STAP1: variants seen among roughly 807,000 people sequenced by gnomAD.
The protein encoded by STAP1 is signal transducing adaptor family member 1, also known as signal-transducing adaptor protein 1.
A neutral mutation model predicts 37.8 loss-of-function variants in STAP1; 30 were observed. The ratio of observed to expected loss-of-function variants is 0.79; its 90% CI spans 0.59 to 1.08. The LOEUF (loss-of-function observed/expected upper bound fraction) is 1.08. Among genes scored for constraint, STAP1 ranks in the 50% least tolerant of loss-of-function variants. The pLI is 0.00. For missense variants in STAP1, 357 were observed against 349.4 expected, an observed-to-expected ratio of 1.02 and a Z score of -0.17; for synonymous variants, 130 against 116.0, an observed-to-expected ratio of 1.12 and a Z score of -0.78.
intron 8 of STAP1, among the ~76,000 whole-genome samples, chr4:67,596,532 T>A (rs1728226878): frequency 6.6e-6 from 1 of 152,094 alleles, no homozygotes; most frequent in Non-Finnish European, 1.5e-5. Flanking sequence ...GTGGGAAAGT[T>A]TGGAACTTTC....
At chr4:67,598,880 G>A (rs927383914) in intron 8 of STAP1, among the ~76,000 whole-genome samples, 2 of 152,160 alleles carry the variant, frequency 1.3e-5, no homozygotes, top group African/African-American at 4.8e-5. Flanking sequence ...TTTTCCCAAT[G>A]TTTTCTTGGA....
chr4:67,592,167 GC>G (rs1176138760), intron 7 of STAP1, among the ~76,000 whole-genome samples: 2 of 151,710 alleles, frequency 1.3e-5, no homozygotes, highest in African/African-American at 4.8e-5. Flanking sequence ...TGTTGCCCAG[GC>G]TTGAGCACAG....
chr4:67,582,111 T>G (rs1727874029), intron 5 of STAP1, among the ~76,000 whole-genome samples: 1 of 152,092 alleles, frequency 6.6e-6, no homozygotes. Flanking sequence ...TGTACTACAA[T>G]CACTGAAACC....
Position 67,571,104 on chromosome 4 carries a change from A to G in STAP1, c.141A>G (p.Thr47=). 1 of 1,611,698 alleles carries G rather than the reference A, an allele frequency of 6.2e-7. No individual in the cohort carries two copies. The highest frequency in any genetic ancestry group is 8.5e-7 in the Non-Finnish European group (1 of 1,177,932). ...SGYREYEHYW[T]ELRGTTLFFY... ...CACAGGAGTATGAGCATTACTGGAC[A>G]GAGTTGAGAGGAACTACTCTTTTCT... The change falls in exon 2 of 9, where the codon ACA becomes ACG. Residue 47 remains threonine, a synonymous_variant. Coordinates refer to ENST00000265404, the MANE Select transcript of STAP1 (RefSeq NM_012108.4).
At chr4:67,582,311 T>TTG (rs1553901659) in intron 5 of STAP1, among the ~76,000 whole-genome samples, 1 of 76,796 alleles carries the variant, frequency 1.3e-5, no homozygotes, top group South Asian at 5.9e-4. Context: ...GTTTTTTTTT[T>TTG]GTTTTTTTTG....
intron 6 of STAP1, 26 bp downstream of exon 6, chr4:67,583,728 G>A: frequency 6.2e-7 from 1 of 1,600,874 alleles, no homozygotes; most frequent in Non-Finnish European, 8.5e-7. Flanking sequence ...TTAAATGTAT[G>A]GAATTTTTAA....
At chr4:67,601,372 A>C (rs1728338337) in intron 8 of STAP1, among the ~76,000 whole-genome samples, 2 of 152,140 alleles carry the variant, frequency 1.3e-5, no homozygotes, top group African/African-American at 4.8e-5. Context: ...CTTTCTATTT[A>C]AGATATAAGT....
chr4:67,569,747 T>TGA, intron 1 of STAP1, among the ~76,000 whole-genome samples: 1 of 152,242 alleles, frequency 6.6e-6, no homozygotes, highest in South Asian at 2.1e-4. Flanking sequence ...TGTGTGTGTG[T>TGA]GAGATGGAAT....
At chr4:67,585,770 T>C (rs990243529) in intron 6 of STAP1, among the ~76,000 whole-genome samples, 2 of 152,252 alleles carry the variant, frequency 1.3e-5, no homozygotes, top group African/African-American at 4.8e-5. Flanking sequence ...TTCTTATTGT[T>C]ATGACTGCCA....
intron 8 of STAP1, among the ~76,000 whole-genome samples, chr4:67,597,225 G>A (rs1257686152): frequency 6.6e-6 from 1 of 152,222 alleles, no homozygotes; most frequent in East Asian, 1.9e-4. Context: ...TGCTTCAGAA[G>A]GTAGAAGCCC....
intron 6 of STAP1, among the ~76,000 whole-genome samples, chr4:67,589,610 A>G (rs572816466): frequency 6.6e-6 from 1 of 152,340 alleles, no homozygotes; most frequent in Non-Finnish European, 1.5e-5. Flanking sequence ...GTGTCATTCA[A>G]GCAAATGACA....
At chr4:67,560,655 T>TGTGGGG (rs2109850821) in intron 1 of STAP1, among the ~76,000 whole-genome samples, 1 of 151,528 alleles carries the variant, frequency 6.6e-6, no homozygotes, top group Admixed American at 6.6e-5. Flanking sequence ...TGTGTGTCTG[T>TGTGGGG]GTGTGTGTGT....
chr4:67,604,228 C>A (rs530591555), intron 8 of STAP1, among the ~76,000 whole-genome samples: 2 of 152,364 alleles, frequency 1.3e-5, no homozygotes, highest in South Asian at 4.1e-4. Flanking sequence ...TCTGCACGAG[C>A]AGCCACTGCT....
intron 4 of STAP1, 144 bp downstream of exon 4, chr4:67,577,403 C>A: frequency 1.8e-6 from 1 of 557,632 alleles, no homozygotes; most frequent in Non-Finnish European, 3.0e-6. Flanking sequence ...TACTTATGAA[C>A]ATTATATTTT....
chr4:67,603,797 A>G (rs1560469236), intron 8 of STAP1, among the ~76,000 whole-genome samples: 1 of 151,836 alleles, frequency 6.6e-6, no homozygotes, highest in African/African-American at 2.4e-5. Context: ...CTCAAGCAGA[A>G]AGGAGGAGTC....
chr4:67,589,499 C>T (rs1019798684), intron 6 of STAP1, among the ~76,000 whole-genome samples: 1 of 151,918 alleles, frequency 6.6e-6, no homozygotes, highest in Non-Finnish European at 1.5e-5. Context: ...GAAGGAGAAG[C>T]GATTTAAAAA....
intron 1 of STAP1, among the ~76,000 whole-genome samples, chr4:67,569,598 A>G (rs570489687): frequency 9.2e-5 from 14 of 152,134 alleles, no homozygotes; most frequent in African/African-American, 2.9e-4. Flanking sequence ...TTCTATTTTT[A>G]AAATTCTTTA....
At chr4:67,598,563 C>T (rs1728273066) in intron 8 of STAP1, among the ~76,000 whole-genome samples, 1 of 152,052 alleles carries the variant, frequency 6.6e-6, no homozygotes, top group African/African-American at 2.4e-5. Flanking sequence ...TGCCTGTTTG[C>T]CATTTGTATG....
At chr4:67,559,198 A>G (rs1727279919) in intron 1 of STAP1, among the ~76,000 whole-genome samples, 1 of 152,216 alleles carries the variant, frequency 6.6e-6, no homozygotes, top group African/African-American at 2.4e-5. Flanking sequence ...CTAAATTTCC[A>G]AAGAATTTAT....
Sources: allele counts gnomAD v4.1 joint callset (sites outside exome capture counted in the v4.1 genomes callset), GRCh38; gene constraint gnomAD v4.1.1; transcripts MANE v1.5; gene names NCBI Gene and HGNC (gene_info 2026-07-23, HGNC 2026-07-21).